Variants in AKAP19 observed in about 807,000 individuals in gnomAD.
AKAP19 encodes the protein small A-kinase anchoring protein.
the AKAP19 span, among the ~76,000 whole-genome samples, chr2:190,132,346 A>G: frequency 2.0e-5 from 3 of 152,218 alleles, no homozygotes; most frequent in Non-Finnish European, 2.9e-5. Context: ...TGCAATCTTG[A>G]GCAAAAAGAA....
At chr2:190,088,150 T>A in the AKAP19 span, among the ~76,000 whole-genome samples, 1 of 152,178 alleles carries the variant, frequency 6.6e-6, no homozygotes, top group African/African-American at 2.4e-5. Flanking sequence ...AAAGCTTCCA[T>A]AACTACCTAA....
At chr2:190,181,749 G>C in the AKAP19 span, among the ~76,000 whole-genome samples, 2 of 152,202 alleles carry the variant, frequency 1.3e-5, no homozygotes, top group African/African-American at 4.8e-5. Flanking sequence ...TTAGGATCTA[G>C]TGTATGTGGC....
chr2:189,891,853 T>A, the AKAP19 span, among the ~76,000 whole-genome samples: 1 of 152,172 alleles, frequency 6.6e-6, no homozygotes, highest in Admixed American at 6.5e-5. Flanking sequence ...GTTCTGCCCA[T>A]CACTTTCAGG....
chr2:189,993,133 G>C, the AKAP19 span, among the ~76,000 whole-genome samples: 1 of 152,190 alleles, frequency 6.6e-6, no homozygotes, highest in Non-Finnish European at 1.5e-5. Flanking sequence ...TCCCTGTTCA[G>C]TATAATGTTG....
At chr2:189,943,601 C>T in the AKAP19 span, among the ~76,000 whole-genome samples, 1 of 152,200 alleles carries the variant, frequency 6.6e-6, no homozygotes, top group Non-Finnish European at 1.5e-5. Flanking sequence ...GGCCATTGTC[C>T]TCCAGACCCC....
the AKAP19 span, among the ~76,000 whole-genome samples, chr2:189,899,402 A>G: frequency 6.6e-6 from 1 of 152,132 alleles, no homozygotes; most frequent in African/African-American, 2.4e-5. Context: ...CCTCTCCTTC[A>G]TATAGATTCC....
At chr2:189,963,416 C>G in the AKAP19 span, among the ~76,000 whole-genome samples, 28 of 152,166 alleles carry the variant, frequency 1.8e-4, no homozygotes, top group East Asian at 3.1e-3. Flanking sequence ...AGGATGGTCT[C>G]GATCTCCTGA....
the AKAP19 span, among the ~76,000 whole-genome samples, chr2:190,104,216 C>T: frequency 6.6e-6 from 1 of 152,116 alleles, no homozygotes; most frequent in Non-Finnish European, 1.5e-5. Context: ...AAATGTAAGA[C>T]CTCAAACTGT....
At chr2:190,035,879 C>A in the AKAP19 span, among the ~76,000 whole-genome samples, 4 of 152,156 alleles carry the variant, frequency 2.6e-5, no homozygotes, top group Admixed American at 2.0e-4. Flanking sequence ...TGAACATTCA[C>A]AAACAGATTT....
the AKAP19 span, among the ~76,000 whole-genome samples, chr2:189,899,645 G>T: frequency 2.0e-5 from 3 of 152,070 alleles, no homozygotes; most frequent in East Asian, 1.9e-4. Context: ...ACATAAATGT[G>T]TGTTTTTTCC....
the AKAP19 span, among the ~76,000 whole-genome samples, chr2:190,068,268 C>T: frequency 0.024 from 3,715 of 152,228 alleles, 164 homozygotes; most frequent in East Asian, 0.18. Flanking sequence ...GAATATTTTG[C>T]TCTTTTTTGT....
At chr2:189,995,612 C>T in the AKAP19 span, among the ~76,000 whole-genome samples, 1 of 151,734 alleles carries the variant, frequency 6.6e-6, no homozygotes, top group Non-Finnish European at 1.5e-5. Context: ...GCCATTTACA[C>T]TTAACATTAG....
At chr2:189,926,226 G>A in the AKAP19 span, among the ~76,000 whole-genome samples, 1 of 152,186 alleles carries the variant, frequency 6.6e-6, no homozygotes, top group Admixed American at 6.5e-5. Flanking sequence ...CTGTGGAAAT[G>A]ACACAATATG....
At chr2:190,199,616 GA>G in the AKAP19 span, 1 of 818,828 alleles carries the variant, frequency 1.2e-6, no homozygotes. Context: ...CCAAAGTGAT[GA>G]AAGGATTTTT....
At chr2:189,916,959 T>G in the AKAP19 span, among the ~76,000 whole-genome samples, 2 of 152,180 alleles carry the variant, frequency 1.3e-5, no homozygotes, top group Non-Finnish European at 2.9e-5. Flanking sequence ...CATGATTGAT[T>G]TTTTGTTTTG....
At chr2:189,976,397 G>A in the AKAP19 span, among the ~76,000 whole-genome samples, 3 of 152,324 alleles carry the variant, frequency 2.0e-5, no homozygotes, top group South Asian at 6.2e-4. Context: ...ACTGGGGGGT[G>A]CCTCCCAATT....
chr2:190,095,211 G>C, the AKAP19 span, among the ~76,000 whole-genome samples: 7 of 152,078 alleles, frequency 4.6e-5, no homozygotes, highest in African/African-American at 1.4e-4. Context: ...GACAGAGCAA[G>C]ACTCTGTCTC....
the AKAP19 span, among the ~76,000 whole-genome samples, chr2:189,905,086 A>G: frequency 6.6e-6 from 1 of 152,002 alleles, no homozygotes. Context: ...TAAATGTATT[A>G]CTCAAGTTTT....
chr2:189,991,658 C>G, the AKAP19 span, among the ~76,000 whole-genome samples: 2 of 152,176 alleles, frequency 1.3e-5, no homozygotes, highest in African/African-American at 4.8e-5. Context: ...TCTGTTTACT[C>G]TGCTGATTAT....
Sources: allele counts gnomAD v4.1 joint callset (sites outside exome capture counted in the v4.1 genomes callset), GRCh38; gene constraint gnomAD v4.1.1; transcripts MANE v1.5; gene names NCBI Gene and HGNC (gene_info 2026-07-23, HGNC 2026-07-21).